Variants in NPAS3 observed in about 807,000 individuals in gnomAD.
NPAS3 encodes the protein neuronal PAS domain-containing protein 3.
A neutral mutation model predicts 73.1 loss-of-function variants in NPAS3; 14 were observed. The observed-to-expected ratio is 0.19, with a 90% CI of 0.13 to 0.30. NPAS3 has a LOEUF of 0.30. NPAS3 is among the 10% of genes least tolerant of loss of function. NPAS3 has a pLI of 1.00. For synonymous variants in NPAS3, 620 were observed against 541.5 expected (o/e 1.14, Z -2.01); for missense variants, 1,096 against 1,250.0 (o/e 0.88, Z 1.86).
In NPAS3 at chr14:33,683,990, G is replaced by GTGA. The variant is rs1180525492; in HGVS notation, c.733+7608_733+7610dup. On this transcript the variant is annotated intron_variant, in intron 6 of 11. Transcript: ENST00000356141. ...CCTTGTCTTACAGCTGGAGGAAAAA[G>GTGA]TGATGGAAATTCTAAGTGGCTCACC... is the stretch of plus-strand genomic sequence containing the variant. Among the ~76,000 whole-genome samples the GTGA allele has an allele frequency of 3.3e-5, 5 of 152,304 alleles. No individual in the cohort carries two copies. The East Asian group carries it at 9.6e-4, about 29-fold the overall frequency.
intron 5 of NPAS3, among the ~76,000 whole-genome samples, chr14:33,618,832 T>C (rs2057999262): frequency 1.3e-5 from 2 of 152,210 alleles, no homozygotes; most frequent in Admixed American, 1.3e-4. Flanking sequence ...TAAGTGCAAC[T>C]TGAATTAGCA....
intron 2 of NPAS3, among the ~76,000 whole-genome samples, chr14:33,198,247 G>C (rs527316589): frequency 2.0e-4 from 30 of 152,094 alleles, no homozygotes; most frequent in East Asian, 3.9e-4. Context: ...GCATGGAAGG[G>C]GACCCAAGCA....
At chr14:33,437,114 G>A (rs746822815) in intron 4 of NPAS3, among the ~76,000 whole-genome samples, 3 of 152,224 alleles carry the variant, frequency 2.0e-5, no homozygotes, top group Non-Finnish European at 4.4e-5. Flanking sequence ...TGACATGCAC[G>A]AAGGCAGCGC....
chr14:33,231,004 A>G (rs2047830928), intron 3 of NPAS3, among the ~76,000 whole-genome samples: 1 of 152,224 alleles, frequency 6.6e-6, no homozygotes. Flanking sequence ...TTCTAAAGAT[A>G]GTCATTCAGG....
chr14:33,365,328 A>G (rs962853826), intron 3 of NPAS3, among the ~76,000 whole-genome samples: 1 of 152,066 alleles, frequency 6.6e-6, no homozygotes, highest in African/African-American at 2.4e-5. Context: ...CTGCATTATC[A>G]AAAATGCCAA....
intron 1 of NPAS3, among the ~76,000 whole-genome samples, chr14:32,972,745 A>G (rs1482400792): frequency 6.6e-6 from 1 of 152,326 alleles, no homozygotes; most frequent in African/African-American, 2.4e-5. Context: ...TTTGTTGAAC[A>G]AAATACATTT....
chr14:33,047,386 A>G (rs1411808259), intron 1 of NPAS3, among the ~76,000 whole-genome samples: 1 of 152,168 alleles, frequency 6.6e-6, no homozygotes, highest in Non-Finnish European at 1.5e-5. Flanking sequence ...TTTCCTCCTC[A>G]GGACAGGAGC....
chr14:33,027,763 GTAGA>G (rs1485382068), intron 1 of NPAS3, among the ~76,000 whole-genome samples: 1 of 152,136 alleles, frequency 6.6e-6, no homozygotes, highest in Non-Finnish European at 1.5e-5. Flanking sequence ...ACAAGGGGCA[GTAGA>G]TCTCCCAGAA....
chr14:33,544,242 A>G (rs2054675451), intron 4 of NPAS3, among the ~76,000 whole-genome samples: 1 of 151,978 alleles, frequency 6.6e-6, no homozygotes, highest in Non-Finnish European at 1.5e-5. Flanking sequence ...TCCTGGGCTC[A>G]AGCATTCCTC....
At chr14:33,082,379 A>G (rs2138730658) in intron 2 of NPAS3, among the ~76,000 whole-genome samples, 1 of 152,336 alleles carries the variant, frequency 6.6e-6, no homozygotes, top group African/African-American at 2.4e-5. Flanking sequence ...TTGAAAATTC[A>G]GGTTTTCTGA....
chr14:32,974,104 T>C (rs1160385486), intron 1 of NPAS3, among the ~76,000 whole-genome samples: 1 of 152,142 alleles, frequency 6.6e-6, no homozygotes, highest in Non-Finnish European at 1.5e-5. Context: ...CTCTACAGAG[T>C]GTAGAAAGAG....
At chr14:33,312,657 G>A (rs2043050377) in intron 3 of NPAS3, among the ~76,000 whole-genome samples, 1 of 152,008 alleles carries the variant, frequency 6.6e-6, no homozygotes, top group Admixed American at 6.6e-5. Flanking sequence ...TAAGTTGACA[G>A]GTATATTTTC....
intron 3 of NPAS3, among the ~76,000 whole-genome samples, chr14:33,238,956 A>C (rs982280088): frequency 1.3e-5 from 2 of 152,008 alleles, no homozygotes; most frequent in African/African-American, 4.8e-5. Context: ...GAGTTAAAAC[A>C]AATCACTGCT....
intron 6 of NPAS3, among the ~76,000 whole-genome samples, chr14:33,687,835 T>G (rs871609): frequency 6.6e-6 from 1 of 151,972 alleles, no homozygotes; most frequent in African/African-American, 2.4e-5. Context: ...TTACCAAAAA[T>G]GTCTCTGCTC....
At chr14:33,359,968 A>G (rs1350877781) in intron 3 of NPAS3, among the ~76,000 whole-genome samples, 6 of 152,224 alleles carry the variant, frequency 3.9e-5, no homozygotes, top group Admixed American at 6.5e-5. Flanking sequence ...TAGAACCTGG[A>G]GATAGTACTC....
chr14:33,316,282 C>T (rs552992606), intron 3 of NPAS3, among the ~76,000 whole-genome samples: 2 of 152,114 alleles, frequency 1.3e-5, no homozygotes, highest in East Asian at 1.9e-4. Flanking sequence ...TAAAATCACG[C>T]GTGGGCTTCT....
chr14:33,598,182 G>C (rs2057300774), intron 5 of NPAS3, among the ~76,000 whole-genome samples: 1 of 152,144 alleles, frequency 6.6e-6, no homozygotes, highest in Non-Finnish European at 1.5e-5. Context: ...CACTCATCTT[G>C]ATTGGAATCT....
At position 33,800,457 on chromosome 14, in the gene NPAS3, C is replaced by T. The variant is rs2063667826; in HGVS notation, c.2150C>T (p.Thr717Ile). The change falls in exon 12 of 12, where the codon ACC becomes ATC. Residue 717 changes from threonine (T) to isoleucine (I), a missense_variant. Thr to Ile is a moderately conservative substitution (Grantham distance 89). Around this residue, in one of 5 missense-constraint regions of NPAS3, gnomAD observed 698 missense variants for 676.7 expected, o/e 1.03. Transcript: ENST00000356141. The surrounding 1 kb of genome is among the most constrained non-coding windows in gnomAD (Gnocchi z 6.5). ...GTGGCCATTCCCGACTCGGTCCTCA[C>T]CCCGCCCGGCGCCGACGGCGCGGCC... The T allele has an allele frequency of 6.6e-7, 1 of 1,524,258 alleles. No individual in the cohort carries two copies. Among genetic ancestry groups the T allele is most frequent in the Non-Finnish European group, 8.8e-7 (1 of 1,141,938 alleles). 94.4% of individuals were successfully genotyped at this position (1,524,258 alleles called of 1,614,324 possible). A position where few individuals can be genotyped will look rare whatever the true frequency, so the allele number is the denominator to read the frequency against.
chr14:33,479,820 A>G (rs2051224283), intron 4 of NPAS3, among the ~76,000 whole-genome samples: 1 of 152,168 alleles, frequency 6.6e-6, no homozygotes, highest in Admixed American at 6.5e-5. Flanking sequence ...TCCTTTTGAC[A>G]GGATGCAATT....
Sources: gnomAD v4.1 joint callset for allele counts (sites outside exome capture counted in the v4.1 genomes callset) on GRCh38, gnomAD v4.1.1 for gene constraint, gnomAD v4.1.1 regional missense constraint, Gnocchi (gnomAD v3.1) non-coding constraint, MANE v1.5 for transcripts, NCBI Gene and HGNC (gene_info 2026-07-23, HGNC 2026-07-21) for gene names.